The following GPRIN1 variants were observed in gnomAD, a reference collection of about 807,000 sequenced individuals.
GPRIN1 encodes the protein G protein regulated inducer of neurite outgrowth 1, also known as G protein-regulated inducer of neurite outgrowth 1.
GPRIN1 carries 4 observed loss-of-function variants against 2.8 expected under a neutral mutation model. That is an observed-to-expected ratio of 1.45 (90% CI 0.71 to 3.32). GPRIN1 has a LOEUF of 3.32. Among genes scored for constraint, GPRIN1 ranks in the 30% most tolerant of loss-of-function variants. The pLI, the probability that GPRIN1 is intolerant of heterozygous loss-of-function variation, is 0.01. For synonymous variants in GPRIN1, 589 were observed against 589.9 expected (o/e 1.00, Z 0.02); for missense variants, 1,322 against 1,343.4 (o/e 0.98, Z 0.25).
In GPRIN1 at chr5:176,599,579, C is replaced by T. The variant is rs146274822; in HGVS notation, c.256G>A (p.Gly86Ser). The T allele has an allele frequency of 5.8e-6, 9 of 1,560,936 alleles. No homozygotes were observed. The highest frequency in any genetic ancestry group is 1.2e-5 in the South Asian group (1 of 81,836). Residue 86 changes from glycine (G) to serine (S), a missense_variant, in exon 2 of 2, where the codon GGC becomes AGC. By Grantham distance (56) the Gly-to-Ser change is moderately conservative. Transcript: ENST00000303991. ...GGGCAGGCCAGGCTCCCTCTGGGGCCGTCAGAGCAGGAGGCCCCTTCCCCA... is the reference window on the plus strand; with the variant it reads ...GGGCAGGCCAGGCTCCCTCTGGGGCTGTCAGAGCAGGAGGCCCCTTCCCCA... ...GAGEGASCSD[G>S]PRGSLACPSP...
rs1198276448 is a variant in GPRIN1 at position 176,596,438 on chromosome 5, C to A, written c.*370G>T. 6.3e-6 allele frequency: 1 copy of A among 158,690 alleles called. No homozygotes were observed. The highest frequency in any genetic ancestry group is 1.4e-5 in the Non-Finnish European group (1 of 72,506). 9.8% of individuals were successfully genotyped at this position (158,690 alleles called of 1,614,324 possible). A position where few individuals can be genotyped will look rare whatever the true frequency, so the allele number is the denominator to read the frequency against. The stretch of plus-strand genomic sequence containing the variant: ...CCCTGTTCTGGGGATCTGGCCCCAC[C>A]GGAGACCACAACGCACCAGTCTAGA... On this transcript the variant is annotated 3_prime_UTR_variant, in exon 2 of 2. Transcript: ENST00000303991. The surrounding 1 kb of genome is among the most constrained non-coding windows in gnomAD (Gnocchi z 5.2).
At position 176,596,826 on chromosome 5, in the gene GPRIN1, C is replaced by T. The variant is rs770761868; in HGVS notation, c.3009G>A (p.Ala1003=). ...SVRRPRCCSR[A]GPTAE is the part of the protein sequence containing the mutation. ...GGGCAGATCACTCGGCCGTGGGTCC[C>T]GCCCGCGAGCAGCACCGCGGCCGGC... The change falls in exon 2 of 2, where the codon GCG becomes GCA. Residue 1003 remains alanine (A), a synonymous_variant. Coordinates refer to ENST00000303991, the MANE Select transcript of GPRIN1 (RefSeq NM_052899.3). The surrounding 1 kb of genome is among the most constrained non-coding windows in gnomAD (Gnocchi z 5.2). The T allele has an allele frequency of 1.1e-5, 16 of 1,415,824 alleles. No individual in the cohort carries two copies. Among genetic ancestry groups the T allele is most frequent in the African/African-American group, 5.9e-5 (4 of 67,666 alleles). 87.7% of individuals were successfully genotyped at this position (1,415,824 alleles called of 1,614,324 possible). A position where few individuals can be genotyped will look rare whatever the true frequency, so the allele number is the denominator to read the frequency against.
In GPRIN1 at chr5:176,597,486, C is replaced by G. The variant is rs901058009; in HGVS notation, c.2349G>C (p.Ala783=). 23 of 1,347,456 alleles carry G rather than the reference C, an allele frequency of 1.7e-5. No individual in the cohort carries two copies. The highest frequency in any genetic ancestry group is 2.1e-5 in the Non-Finnish European group (22 of 1,051,560). 83.5% of individuals were successfully genotyped at this position (1,347,456 alleles called of 1,614,324 possible). Residue 783 remains alanine, a synonymous_variant, in exon 2 of 2, where the codon GCG becomes GCC. Coordinates refer to ENST00000303991, the MANE Select transcript of GPRIN1 (RefSeq NM_052899.3). The surrounding 1 kb of genome is among the most constrained non-coding windows in gnomAD (Gnocchi z 6.1). ...AERSPCPEAA[A]PPPGPRTRDN... ...CGCGAGTCCGCGGCCCCGGCGGGGGCGCTGCGGCCTCTGGGCAGGGGCTTC... is the reference window on the plus strand; with the variant it reads ...CGCGAGTCCGCGGCCCCGGCGGGGGGGCTGCGGCCTCTGGGCAGGGGCTTC...
Position 176,599,314 on chromosome 5 carries a change from G to A in GPRIN1, c.521C>T (p.Ser174Leu), listed in dbSNP as rs138444659. ...TGTAAACATGGGATCTGCCTTCCGTGAGGACCCAGGATCCTCCTTTCCTAT... is the reference window on the plus strand; with the variant it reads ...TGTAAACATGGGATCTGCCTTCCGTAAGGACCCAGGATCCTCCTTTCCTAT... ...TSIGKEDPGS[S>L]RKADPMFTGK... Residue 174 changes from serine (S) to leucine (L), a missense_variant, in exon 2 of 2, where the codon TCA becomes TTA. This residue lies in a region of GPRIN1 where 1,117 missense variants were observed against 1,128.6 expected (regional missense o/e 0.99). Transcript: ENST00000303991. 3.8e-5 allele frequency: 61 copies of A among 1,613,898 alleles called. No homozygotes were observed. The African/African-American group carries it at 8.0e-4, about 21-fold the overall frequency.
Position 176,596,909 on chromosome 5 carries a change from G to A in GPRIN1, c.2926C>T (p.Pro976Ser), listed in dbSNP as rs746497068. ...GGCGGACGCTTGGCGGCGCCATCTG[G>A]GGGCGCGGTGCGCACCGAGCCCGAA... ...GRSGSVRTAP[P>S]DGAAKRPPGL... Residue 976 changes from proline (P) to serine (S), a missense_variant, in exon 2 of 2, where the codon CCA (proline) becomes TCA (serine). Coordinates refer to ENST00000303991, the MANE Select transcript of GPRIN1 (RefSeq NM_052899.3). The surrounding 1 kb of genome is among the most constrained non-coding windows in gnomAD (Gnocchi z 5.2). The A allele has an allele frequency of 6.5e-6, 8 of 1,229,280 alleles. No homozygotes were observed. Among genetic ancestry groups the A allele is most frequent in the Non-Finnish European group, 8.1e-6 (8 of 985,088 alleles). The allele number at this position is 1,229,280 out of a possible 1,614,324, so 76.1% of individuals were successfully genotyped here. A position where few individuals can be genotyped will look rare whatever the true frequency, so the allele number is the denominator to read the frequency against.
Position 176,597,519 on chromosome 5 carries a change from C to T in GPRIN1, c.2316G>A (p.Gly772=). The part of the protein sequence containing the change: ...SLGQKDLEAA[G]AERSPCPEAA... ...CCTCTGGGCAGGGGCTTCTCTCGGCCCCAGCGGCTTCCAGGTCTTTCTGGC... is the reference window on the plus strand; with the variant it reads ...CCTCTGGGCAGGGGCTTCTCTCGGCTCCAGCGGCTTCCAGGTCTTTCTGGC... Residue 772 remains glycine, a synonymous_variant, in exon 2 of 2, where the codon GGG becomes GGA. Coordinates refer to ENST00000303991, the MANE Select transcript of GPRIN1 (RefSeq NM_052899.3). The surrounding 1 kb of genome is among the most constrained non-coding windows in gnomAD (Gnocchi z 6.1). The T allele has an allele frequency of 6.7e-7, 1 of 1,496,130 alleles. No homozygotes were observed. Among genetic ancestry groups the T allele is most frequent in the Non-Finnish European group, 8.9e-7 (1 of 1,122,610 alleles). The allele number at this position is 1,496,130 out of a possible 1,614,324, so 92.7% of individuals were successfully genotyped here.
rs1050365156 is a variant in GPRIN1 at position 176,597,441 on chromosome 5, C to T, written c.2394G>A (p.Pro798=). The change falls in exon 2 of 2, where the codon CCG becomes CCA. Residue 798 remains proline (P), a synonymous_variant. Transcript: ENST00000303991. This position sits in a 1 kb window ranked among gnomAD's most constrained non-coding sequence, Gnocchi z 6.1. Reference sequence around the variant, plus strand: ...GCGGCGGGGCGCTCGCCTCCCACGACGGCGCCTTGGTGAAGTTGTCGCGAG... The same window carrying T: ...GCGGCGGGGCGCTCGCCTCCCACGATGGCGCCTTGGTGAAGTTGTCGCGAG... ...PRTRDNFTKA[P]SWEASAPPPP... is the part of the protein sequence containing the mutation. 5.4e-6 allele frequency: 7 copies of T among 1,305,218 alleles called. No individual in the cohort carries two copies. Among genetic ancestry groups the T allele is most frequent in the South Asian group, 2.4e-5 (1 of 42,334 alleles). 80.9% of individuals were successfully genotyped at this position (1,305,218 alleles called of 1,614,324 possible). A position where few individuals can be genotyped will look rare whatever the true frequency, so the allele number is the denominator to read the frequency against.
rs17854765 is a variant in GPRIN1, at chr5:176,599,474, G to T, written c.361C>A (p.Pro121Thr). 1.4e-3 allele frequency: 2,296 copies of T among 1,613,846 alleles called. 13 individuals are homozygous for T. Among genetic ancestry groups the T allele is most frequent in the Non-Finnish European group, 9.5e-4 (1,116 of 1,179,824 alleles). Residue 121 changes from proline to threonine, a missense_variant, in exon 2 of 2, where the codon CCA (proline) becomes ACA (threonine). By Grantham distance (38) the Pro-to-Thr change is conservative. Coordinates refer to ENST00000303991, the MANE Select transcript of GPRIN1 (RefSeq NM_052899.3). ...EAHGASISGT[P>T]EATTSGKPEP... is the part of the protein sequence containing the mutation. The stretch of plus-strand genomic sequence containing the variant: ...GGCTTCCCAGACGTGGTGGCTTCTG[G>T]TGTCCCTGAGATGGAGGCTCCATGT...
Position 176,597,137 on chromosome 5 carries a change from C to T in GPRIN1, c.2698G>A (p.Ala900Thr). The change falls in exon 2 of 2, where the codon GCT becomes ACT. Residue 900 changes from alanine to threonine, a missense_variant. Ala to Thr is a moderately conservative substitution (Grantham distance 58, BLOSUM62 0). Coordinates refer to ENST00000303991, the MANE Select transcript of GPRIN1 (RefSeq NM_052899.3). This position sits in a 1 kb window ranked among gnomAD's most constrained non-coding sequence, Gnocchi z 6.1. ...TCAGCCGGCTCCGGGGGCGCTACAG[C>T]GGCCGCCAGCGCTGAGCCGGGCCGC... ...RVRPGSALAA[A>T]VAPPEPAEPV... is the part of the protein sequence containing the mutation. The T allele has an allele frequency of 3.4e-6, 5 of 1,454,744 alleles. No individual in the cohort carries two copies. Among genetic ancestry groups the T allele is most frequent in the East Asian group, 2.7e-5 (1 of 36,808 alleles). The allele number at this position is 1,454,744 out of a possible 1,614,324, so 90.1% of individuals were successfully genotyped here. A position where few individuals can be genotyped will look rare whatever the true frequency, so the allele number is the denominator to read the frequency against.
chr5:176,596,571 A>C lies in GPRIN1; in HGVS notation c.*237T>G. The C allele has an allele frequency of 3.9e-6, 1 of 259,584 alleles. No individual in the cohort carries two copies. Among genetic ancestry groups the C allele is most frequent in the Non-Finnish European group, 7.2e-6 (1 of 138,460 alleles). The allele number at this position is 259,584 out of a possible 1,614,324, so 16.1% of individuals were successfully genotyped here. A position where few individuals can be genotyped will look rare whatever the true frequency, so the allele number is the denominator to read the frequency against. On this transcript the variant is annotated 3_prime_UTR_variant, in exon 2 of 2. Transcript: ENST00000303991. The surrounding 1 kb of genome is among the most constrained non-coding windows in gnomAD (Gnocchi z 5.2). ...GAGTAGAGCTGAGGGCTGTGAGGGG[A>C]CAGTGGGGCGTCAGGGCTGGCCGGG...
intron 1 of GPRIN1, among the ~76,000 whole-genome samples, chr5:176,609,269 G>T (rs1400907267): frequency 6.6e-6 from 1 of 152,186 alleles, no homozygotes; most frequent in African/African-American, 2.4e-5. Context: ...CGAGTGTGTT[G>T]TGATCAGGGA....
At chr5:176,605,094 C>CT (rs33965999) in intron 1 of GPRIN1, among the ~76,000 whole-genome samples, 3,616 of 132,898 alleles carry the variant, frequency 0.027, 79 homozygotes, top group Non-Finnish European at 0.039. Flanking sequence ...AAACAAAACA[C>CT]TTTTTTTTTT....
rs1407078246 is a variant in GPRIN1 at position 176,598,161 on chromosome 5, C to T, written c.1674G>A (p.Lys558=). ...VGKEDPVSKG[K]ADAGPSGQGD... is the part of the protein sequence containing the mutation. ...CTTGTCCAGAGGGGCCAGCGTCTGC[C>T]TTTCCCTTGCTCACAGGGTCCTCCT... is the stretch of plus-strand genomic sequence containing the variant. The change falls in exon 2 of 2, where the codon AAG becomes AAA. Residue 558 remains lysine, a synonymous_variant. Coordinates refer to ENST00000303991, the MANE Select transcript of GPRIN1 (RefSeq NM_052899.3). The T allele has an allele frequency of 4.3e-6, 7 of 1,612,812 alleles. No individual in the cohort carries two copies. Among genetic ancestry groups the T allele is most frequent in the Non-Finnish European group, 5.9e-6 (7 of 1,179,996 alleles).
intron 1 of GPRIN1, among the ~76,000 whole-genome samples, chr5:176,603,175 A>G (rs900896041): frequency 7.2e-5 from 11 of 152,036 alleles, no homozygotes; most frequent in Admixed American, 2.6e-4. Context: ...CTAAGCCCCT[A>G]TGTTTCTACT....
rs1160165765 is a variant in GPRIN1 at position 176,597,463 on chromosome 5, C to T, written c.2372G>A (p.Arg791His). The T allele has an allele frequency of 3.0e-6, 4 of 1,322,168 alleles. No individual in the cohort carries two copies. Among genetic ancestry groups the T allele is most frequent in the Non-Finnish European group, 3.8e-6 (4 of 1,039,816 alleles). 81.9% of individuals were successfully genotyped at this position (1,322,168 alleles called of 1,614,324 possible). A position where few individuals can be genotyped will look rare whatever the true frequency, so the allele number is the denominator to read the frequency against. ...AAAPPPGPRT[R>H]DNFTKAPSWE... The stretch of plus-strand genomic sequence containing the variant: ...CGACGGCGCCTTGGTGAAGTTGTCG[C>T]GAGTCCGCGGCCCCGGCGGGGGCGC... Residue 791 changes from arginine to histidine, a missense_variant, in exon 2 of 2, where the codon CGC (arginine) becomes CAC (histidine). Physicochemically the swap from Arg to His is conservative, Grantham distance 29. Around this residue, in one of 3 missense-constraint regions of GPRIN1, gnomAD observed 1,117 missense variants for 1,128.6 expected, o/e 0.99. Coordinates refer to ENST00000303991, the MANE Select transcript of GPRIN1 (RefSeq NM_052899.3). The surrounding 1 kb of genome is among the most constrained non-coding windows in gnomAD (Gnocchi z 6.1).
At chr5:176,604,712 C>G (rs1759199639) in intron 1 of GPRIN1, among the ~76,000 whole-genome samples, 1 of 152,000 alleles carries the variant, frequency 6.6e-6, no homozygotes, top group Non-Finnish European at 1.5e-5. Flanking sequence ...TTAGCTAAGT[C>G]ATAAATCTGG....
chr5:176,601,840 T>C (rs917258139), intron 1 of GPRIN1, among the ~76,000 whole-genome samples: 1 of 152,152 alleles, frequency 6.6e-6, no homozygotes, highest in African/African-American at 2.4e-5. Context: ...GCTACTGCCA[T>C]CTGGACCCCC....
intron 1 of GPRIN1, among the ~76,000 whole-genome samples, chr5:176,608,665 G>A (rs2113356388): frequency 6.6e-6 from 1 of 152,324 alleles, no homozygotes; most frequent in South Asian, 2.1e-4. Context: ...ACTCCTAGGA[G>A]AGCTTATCTG....
chr5:176,605,506 TG>T (rs1225526494), intron 1 of GPRIN1, among the ~76,000 whole-genome samples: 3 of 152,078 alleles, frequency 2.0e-5, no homozygotes, highest in Non-Finnish European at 4.4e-5. Context: ...ACCGGGAAGA[TG>T]GTCAAGGGAA....
Sources: gnomAD v4.1 joint callset for allele counts (sites outside exome capture counted in the v4.1 genomes callset) on GRCh38, gnomAD v4.1.1 for gene constraint, gnomAD v4.1.1 regional missense constraint, Gnocchi (gnomAD v3.1) non-coding constraint, MANE v1.5 for transcripts, NCBI Gene and HGNC (gene_info 2026-07-23, HGNC 2026-07-21) for gene names.